Variants in SNTG1 observed in about 807,000 individuals in gnomAD.
The protein encoded by SNTG1 is syntrophin gamma 1.
A neutral mutation model predicts 74.7 loss-of-function variants in SNTG1; 39 were observed. That is an observed-to-expected ratio of 0.52 (90% CI 0.40 to 0.68). SNTG1 has a LOEUF of 0.68. SNTG1 is among the 30% of genes least tolerant of loss of function. The pLI is 0.00. For missense variants in SNTG1, 685 were observed against 609.5 expected, an observed-to-expected ratio of 1.12 and a Z score of -1.30; for synonymous variants, 254 against 217.1, an observed-to-expected ratio of 1.17 and a Z score of -1.49.
At chr8:50,016,712 T>C (rs1816350874) in intron 1 of SNTG1, among the ~76,000 whole-genome samples, 1 of 152,112 alleles carries the variant, frequency 6.6e-6, no homozygotes. Context: ...TTCTGTAGTC[T>C]AAAATAAACA....
chr8:49,952,068 G>A (rs536135559), intron 1 of SNTG1, among the ~76,000 whole-genome samples: 1 of 152,142 alleles, frequency 6.6e-6, no homozygotes, highest in Admixed American at 6.6e-5. Context: ...AAAGCTTTCT[G>A]CAAGAAATGT....
intron 8 of SNTG1, among the ~76,000 whole-genome samples, chr8:50,483,203 C>A (rs963076938): frequency 3.9e-5 from 6 of 152,062 alleles, no homozygotes; most frequent in African/African-American, 1.4e-4. Flanking sequence ...TGATAAATAT[C>A]TTAGTGATTT....
intron 1 of SNTG1, among the ~76,000 whole-genome samples, chr8:49,944,409 A>T (rs991143495): frequency 6.6e-6 from 1 of 151,376 alleles, no homozygotes; most frequent in African/African-American, 2.4e-5. Flanking sequence ...ATTTCATAAC[A>T]TACATTCTTT....
At chr8:50,698,360 G>A (rs13257541) in intron 15 of SNTG1, among the ~76,000 whole-genome samples, 39,606 of 152,014 alleles carry the variant, frequency 0.26, 5,792 homozygotes, top group African/African-American at 0.39. Context: ...AGGTTTGGCT[G>A]TTCACTTAGT....
At chr8:50,014,952 G>A (rs1401640363) in intron 1 of SNTG1, among the ~76,000 whole-genome samples, 1 of 151,232 alleles carries the variant, frequency 6.6e-6, no homozygotes, top group East Asian at 1.9e-4. Context: ...TATCTAAATT[G>A]TCCAGTTTTC....
intron 4 of SNTG1, among the ~76,000 whole-genome samples, chr8:50,430,930 A>C (rs1250010574): frequency 6.6e-6 from 1 of 152,170 alleles, no homozygotes; most frequent in African/African-American, 2.4e-5. Context: ...CCCTGATGTG[A>C]AACAACTTTA....
At chr8:50,435,830 T>G (rs1222155404) in intron 4 of SNTG1, among the ~76,000 whole-genome samples, 3 of 152,180 alleles carry the variant, frequency 2.0e-5, no homozygotes, top group Non-Finnish European at 4.4e-5. Context: ...GACTCTTTAG[T>G]CTCTCCAAAA....
intron 2 of SNTG1, among the ~76,000 whole-genome samples, chr8:50,191,794 T>G (rs563708310): frequency 3.9e-5 from 6 of 152,162 alleles, no homozygotes; most frequent in Non-Finnish European, 8.8e-5. Flanking sequence ...AAGGAACGTG[T>G]TCTTGAGATG....
intron 2 of SNTG1, among the ~76,000 whole-genome samples, chr8:50,215,438 C>CTA (rs1427672701): frequency 1.4e-5 from 2 of 144,988 alleles, no homozygotes; most frequent in Non-Finnish European, 3.0e-5. Flanking sequence ...TATATATAGT[C>CTA]TATATATATG....
At chr8:50,709,915 T>A (rs949653730) in intron 17 of SNTG1, among the ~76,000 whole-genome samples, 1 of 152,208 alleles carries the variant, frequency 6.6e-6, no homozygotes, top group Non-Finnish European at 1.5e-5. Context: ...ACATATTTTA[T>A]CTAGAAATTA....
chr8:50,469,017 G>C lies in SNTG1; in HGVS notation c.363+18288G>C, dbSNP rs1033692212. 2.6e-5 allele frequency among the ~76,000 whole-genome samples: 4 copies of C among 152,070 alleles called. No homozygotes were observed. In the South Asian group the frequency reaches 8.3e-4, roughly 31 times the overall value. On this transcript the variant is annotated intron_variant, in intron 8 of 18. Transcript: ENST00000642720. ...TGTTAGTACTATTATTTTATACAAA[G>C]AGTTAAGTTGACAAGAATGAGAAAA...
At chr8:50,463,273 G>C (rs543074888) in intron 8 of SNTG1, among the ~76,000 whole-genome samples, 1 of 152,108 alleles carries the variant, frequency 6.6e-6, no homozygotes, top group African/African-American at 2.4e-5. Context: ...CCATAAAACA[G>C]AAATGTTTTT....
intron 4 of SNTG1, among the ~76,000 whole-genome samples, chr8:50,435,275 A>G (rs1237854883): frequency 6.6e-6 from 1 of 152,202 alleles, no homozygotes; most frequent in South Asian, 2.1e-4. Flanking sequence ...GAAACTGTAT[A>G]GGAGCATCAG....
rs1332197569 is a variant in SNTG1 at position 50,121,756 on chromosome 8, G to A, written c.-102-50805G>A. ...CACACCTGCAGTCCCAGTTACTCGGGAGGCTAAGGTTGGAGGATTGTTGGA... is the reference window on the plus strand; with the variant it reads ...CACACCTGCAGTCCCAGTTACTCGGAAGGCTAAGGTTGGAGGATTGTTGGA... On this transcript the variant is annotated intron_variant, in intron 1 of 18. Transcript: ENST00000642720. 3.5e-5 allele frequency among the ~76,000 whole-genome samples: 5 copies of A among 141,680 alleles called. 2 individuals are homozygous for A. Among genetic ancestry groups the A allele is most frequent in the Non-Finnish European group, 6.3e-5 (4 of 63,692 alleles). The allele number at this position is 141,680 out of a possible 152,430, so 92.9% of individuals were successfully genotyped here. A position where few individuals can be genotyped will look rare whatever the true frequency, so the allele number is the denominator to read the frequency against.
intron 2 of SNTG1, among the ~76,000 whole-genome samples, chr8:50,239,307 G>A (rs550377622): frequency 5.3e-5 from 8 of 152,160 alleles, no homozygotes; most frequent in Non-Finnish European, 2.9e-5. Context: ...TAGTACCCAA[G>A]ACTGGGTAAT....
chr8:49,984,745 A>G (rs916009658), intron 1 of SNTG1, among the ~76,000 whole-genome samples: 2 of 152,192 alleles, frequency 1.3e-5, no homozygotes, highest in African/African-American at 4.8e-5. Flanking sequence ...GAGAATCAGC[A>G]TGCTAAGTAC....
chr8:50,421,576 G>A (rs2093087888), intron 4 of SNTG1, among the ~76,000 whole-genome samples: 1 of 152,144 alleles, frequency 6.6e-6, no homozygotes, highest in African/African-American at 2.4e-5. Flanking sequence ...CTCATCCTGT[G>A]ACTAAGAATG....
At chr8:50,264,414 A>C (rs969951255) in intron 2 of SNTG1, among the ~76,000 whole-genome samples, 2 of 151,842 alleles carry the variant, frequency 1.3e-5, no homozygotes, top group Non-Finnish European at 2.9e-5. Context: ...ATAAAAATAC[A>C]AAAAAATTAA....
At chr8:50,144,192 C>A (rs752469323) in intron 1 of SNTG1, among the ~76,000 whole-genome samples, 16 of 152,260 alleles carry the variant, frequency 1.1e-4, no homozygotes, top group African/African-American at 3.6e-4. Flanking sequence ...ATATGCTATA[C>A]GAAACCATCT....
Sources: allele counts gnomAD v4.1 joint callset (sites outside exome capture counted in the v4.1 genomes callset), GRCh38; gene constraint gnomAD v4.1.1; transcripts MANE v1.5; gene names NCBI Gene and HGNC (gene_info 2026-07-23, HGNC 2026-07-21).